DCBLD2: variants seen among roughly 807,000 people sequenced by gnomAD.
DCBLD2 encodes discoidin, CUB and LCCL domain containing 2.
A neutral mutation model predicts 86.8 loss-of-function variants in DCBLD2; 54 were observed. That is an observed-to-expected ratio of 0.62 (90% CI 0.50 to 0.78). The LOEUF (loss-of-function observed/expected upper bound fraction) is 0.78, where lower values mean the gene tolerates loss of function less well. DCBLD2 is among the 30% of genes least tolerant of loss of function. The probability of loss-of-function intolerance (pLI) is 0.00; values close to 1 mark genes in which losing one functional copy is unlikely to be tolerated. For missense variants in DCBLD2, 908 were observed against 954.2 expected (o/e 0.95, Z 0.64); for synonymous variants, 354 against 341.3 (o/e 1.04, Z -0.41).
intron 2 of DCBLD2, among the ~76,000 whole-genome samples, chr3:98,854,770 C>T (rs781150665): frequency 3.3e-5 from 5 of 152,106 alleles, no homozygotes; most frequent in African/African-American, 7.2e-5. Flanking sequence ...GATATCTGCA[C>T]ATTTTAAAGT....
rs1559764252 is a variant in DCBLD2 at position 98,797,163 on chromosome 3, AGT to A, written c.*2207_*2208del. 6.6e-6 allele frequency: 1 copy of A among 152,084 alleles called. No homozygotes were observed. The highest frequency in any genetic ancestry group is 1.5e-5 in the Non-Finnish European group (1 of 67,902). 9.4% of individuals were successfully genotyped at this position (152,084 alleles called of 1,614,324 possible). A position where few individuals can be genotyped will look rare whatever the true frequency, so the allele number is the denominator to read the frequency against. On this transcript the variant is annotated 3_prime_UTR_variant, in exon 16 of 16. Coordinates refer to ENST00000326840, the MANE Select transcript of DCBLD2 (RefSeq NM_080927.4). ...ATCTGGAAAGTAAAGTTTATATAAA[AGT>A]AGTAAAAACTAGATATTTTATAAAA...
At chr3:98,899,095 A>G (rs370655544) in intron 1 of DCBLD2, among the ~76,000 whole-genome samples, 1 of 146,958 alleles carries the variant, frequency 6.8e-6, no homozygotes, top group African/African-American at 2.5e-5. Context: ...AAAAAAAAAA[A>G]GTCTTTTAAT....
At chr3:98,831,350 CCTTCTCT>C (rs1485114777) in intron 3 of DCBLD2, among the ~76,000 whole-genome samples, 4 of 151,880 alleles carry the variant, frequency 2.6e-5, no homozygotes, top group African/African-American at 9.7e-5. Context: ...CGCTCTTGGC[CCTTCTCT>C]CTTCTTTATT....
intron 2 of DCBLD2, among the ~76,000 whole-genome samples, chr3:98,849,859 T>C (rs971869100): frequency 1.3e-5 from 2 of 149,172 alleles, no homozygotes; most frequent in Non-Finnish European, 3.0e-5. Flanking sequence ...GAAAGACATG[T>C]ATACTCTTTC....
In DCBLD2 at chr3:98,796,868, C is replaced by T. The variant is rs1941610198; in HGVS notation, c.*2504G>A. ...TGTCTCCGATGTATTTCTATAATTG[C>T]ATTAACAGGAAAAAACTTAATCCAA... On this transcript the variant is annotated 3_prime_UTR_variant, in exon 16 of 16. Coordinates refer to ENST00000326840, the MANE Select transcript of DCBLD2 (RefSeq NM_080927.4). 6.6e-6 allele frequency: 1 copy of T among 152,412 alleles called. No homozygotes were observed. The highest frequency in any genetic ancestry group is 6.6e-5 in the Admixed American group (1 of 15,260). The allele number at this position is 152,412 out of a possible 1,614,324, so 9.4% of individuals were successfully genotyped here.
chr3:98,856,416 T>C (rs923047317), intron 2 of DCBLD2, among the ~76,000 whole-genome samples: 15 of 152,108 alleles, frequency 9.9e-5, no homozygotes, highest in Admixed American at 6.5e-4. Flanking sequence ...GGGCCTATTA[T>C]GAGCTACAAA....
chr3:98,830,792 A>G (rs1442505780), intron 3 of DCBLD2, among the ~76,000 whole-genome samples: 2 of 152,206 alleles, frequency 1.3e-5, no homozygotes, highest in Admixed American at 6.5e-5. Flanking sequence ...TGGAAGTTTG[A>G]TAACAATTTC....
intron 3 of DCBLD2, among the ~76,000 whole-genome samples, chr3:98,838,313 T>G (rs1576173303): frequency 1.5e-5 from 1 of 68,130 alleles, no homozygotes; most frequent in African/African-American, 4.8e-5. Context: ...AGGCAGAGGG[T>G]CTCCTCACTT....
chr3:98,822,118 T>C (rs756150059), intron 6 of DCBLD2, 110 bp downstream of exon 6: 74 of 1,303,762 alleles, frequency 5.7e-5, no homozygotes, highest in South Asian at 8.3e-5. Flanking sequence ...TGTTCTTTCA[T>C]GAACACCATT....
rs1275691007 is a variant in DCBLD2 at position 98,798,439 on chromosome 3, T to G, written c.*933A>C. 6.6e-6 allele frequency: 1 copy of G among 152,232 alleles called. No homozygotes were observed. The highest frequency in any genetic ancestry group is 1.5e-5 in the Non-Finnish European group (1 of 68,046). The allele number at this position is 152,232 out of a possible 1,614,324, so 9.4% of individuals were successfully genotyped here. On this transcript the variant is annotated 3_prime_UTR_variant, in exon 16 of 16. Transcript: ENST00000326840. ...ATTTTGCCTTTCACTGTGATAAATA[T>G]AAGTGGGTCATGTTTACAGTATTCC...
At chr3:98,894,711 C>T (rs780584242) in intron 1 of DCBLD2, among the ~76,000 whole-genome samples, 9 of 151,932 alleles carry the variant, frequency 5.9e-5, no homozygotes, top group Non-Finnish European at 7.4e-5. Flanking sequence ...CACTAATTTA[C>T]GGGGATTAGG....
chr3:98,871,492 G>C (rs1022919539), intron 2 of DCBLD2, among the ~76,000 whole-genome samples: 5 of 151,946 alleles, frequency 3.3e-5, no homozygotes, highest in Admixed American at 1.3e-4. Context: ...TATCATGAAG[G>C]GATGCTCAAT....
chr3:98,880,734 A>G (rs1444994790), intron 2 of DCBLD2, among the ~76,000 whole-genome samples: 1 of 152,166 alleles, frequency 6.6e-6, no homozygotes, highest in Non-Finnish European at 1.5e-5. Context: ...TACACATACT[A>G]GTTCATTCCC....
intron 5 of DCBLD2, 56 bp from the exon 6 acceptor site, chr3:98,822,417 A>G: frequency 6.4e-7 from 1 of 1,562,704 alleles, no homozygotes; most frequent in Non-Finnish European, 8.7e-7. Flanking sequence ...TAATTCATAA[A>G]CAAGACACTC....
chr3:98,839,120 T>TCTTTTCCTTCCTTCCTTCC (rs1559781363), intron 3 of DCBLD2, among the ~76,000 whole-genome samples: 1 of 33,104 alleles, frequency 3.0e-5, no homozygotes. Context: ...TTTCTTTCTT[T>TCTTTTCCTTCCTTCCTTCC]TTCTTTCTTT....
chr3:98,825,680 T>TATATATA (rs1942207233), intron 3 of DCBLD2, among the ~76,000 whole-genome samples: 1 of 130,222 alleles, frequency 7.7e-6, no homozygotes, highest in Non-Finnish European at 1.6e-5. Flanking sequence ...TATATATATA[T>TATATATA]TTAGAACATG....
At chr3:98,855,353 C>T (rs1027592209) in intron 2 of DCBLD2, among the ~76,000 whole-genome samples, 3 of 152,162 alleles carry the variant, frequency 2.0e-5, no homozygotes, top group Admixed American at 1.3e-4. Flanking sequence ...AACTAGAACT[C>T]TTATACACTG....
intron 2 of DCBLD2, among the ~76,000 whole-genome samples, chr3:98,855,528 C>A (rs1473791987): frequency 1.3e-5 from 2 of 152,164 alleles, no homozygotes; most frequent in African/African-American, 2.4e-5. Context: ...CTCACACAAA[C>A]ATAACATTAA....
chr3:98,873,600 C>G (rs957019540), intron 2 of DCBLD2, among the ~76,000 whole-genome samples: 6 of 151,850 alleles, frequency 4.0e-5, no homozygotes, highest in African/African-American at 1.5e-4. Context: ...CCATATTAAT[C>G]AGTGATATCA....
Sources: gnomAD v4.1 joint callset for allele counts (sites outside exome capture counted in the v4.1 genomes callset) on GRCh38, gnomAD v4.1.1 for gene constraint, MANE v1.5 for transcripts, NCBI Gene and HGNC (gene_info 2026-07-23, HGNC 2026-07-21) for gene names.